THOC2: variants seen among roughly 807,000 people sequenced by gnomAD.
THOC2 encodes the protein THO complex subunit 2.
In THOC2, 10 loss-of-function variants were observed where a neutral mutation model predicts 128.4. The ratio of observed to expected loss-of-function variants is 0.08; its 90% CI spans 0.05 to 0.13. The LOEUF (loss-of-function observed/expected upper bound fraction) is 0.13, where lower values mean the gene tolerates loss of function less well. THOC2 is among the 10% of genes least tolerant of loss of function. The pLI, the probability that THOC2 is intolerant of heterozygous loss-of-function variation, is 1.00. For missense variants in THOC2, 535 were observed against 1,155.7 expected (o/e 0.46, Z 7.79); for synonymous variants, 393 against 396.9 (o/e 0.99, Z 0.12).
At position 123,696,762 on chromosome X, in the gene THOC2, C is replaced by T; in HGVS notation, c.426G>A (p.Gln142=). ...TTTTAACTGACTTTTGATTGAATTG[C>T]TGTGATTGTTTGATAAGCCCTAATG... ...LESLGLIKQS[Q]QFNQKSVKIK... The change falls in exon 6 of 39, where the codon CAG becomes CAA. Residue 142 remains glutamine, a synonymous_variant. Coordinates refer to ENST00000245838, the MANE Select transcript of THOC2 (RefSeq NM_001081550.2). 1.7e-6 allele frequency: 2 copies of T among 1,205,451 alleles called. No individual in the cohort carries two copies. Among genetic ancestry groups the T allele is most frequent in the Middle Eastern group, 4.7e-4 (2 of 4,240 alleles).
chrX:123,665,901 T>C lies in THOC2; in HGVS notation c.1191-64A>G, dbSNP rs745568115. On this transcript the variant is annotated intron_variant, in intron 11 of 38. Coordinates refer to ENST00000245838, the MANE Select transcript of THOC2 (RefSeq NM_001081550.2). ...TAAGTATATAATAAATATAACTATA[T>C]ACACACACACTACAATATCTACCAT... 6 of 603,958 alleles carry C rather than the reference T, an allele frequency of 9.9e-6. No homozygotes were observed. In the South Asian group the frequency reaches 4.3e-4, roughly 43 times the overall value. 49.8% of individuals were successfully genotyped at this position (603,958 alleles called of 1,213,427 possible).
intron 24 of THOC2, among the ~76,000 whole-genome samples, 157 bp from the exon 25 acceptor site, chrX:123,626,226 C>T (rs2047265754): frequency 9.0e-6 from 1 of 111,718 alleles, no homozygotes; most frequent in African/African-American, 3.2e-5. Context: ...TCATGATTAT[C>T]ATTTTTACTA....
intron 8 of THOC2, among the ~76,000 whole-genome samples, chrX:123,683,261 G>A (rs2049861221): frequency 9.1e-6 from 1 of 110,436 alleles, no homozygotes; most frequent in Non-Finnish European, 1.9e-5. Context: ...TCTCACTGTC[G>A]TTGATATCAT....
At chrX:123,639,513 G>C (rs1233152666) in intron 16 of THOC2, among the ~76,000 whole-genome samples, 1 of 111,756 alleles carries the variant, frequency 8.9e-6, no homozygotes, top group Non-Finnish European at 1.9e-5. Flanking sequence ...TATTGTAAAT[G>C]GGATTGTGCT....
At chrX:123,638,726 G>A (rs183544159) in intron 17 of THOC2, among the ~76,000 whole-genome samples, 882 of 84,340 alleles carry the variant, frequency 0.01, 7 homozygotes, top group African/African-American at 0.04. Flanking sequence ...AGACACACAC[G>A]TACACACACA....
At chrX:123,707,481 A>C (rs895651109) in intron 2 of THOC2, among the ~76,000 whole-genome samples, 1 of 111,831 alleles carries the variant, frequency 8.9e-6, no homozygotes, top group Admixed American at 9.5e-5. Flanking sequence ...CCCAAATCTA[A>C]ATCTCTTTGT....
intron 18 of THOC2, among the ~76,000 whole-genome samples, chrX:123,637,436 G>A (rs999122436): frequency 1.8e-5 from 2 of 111,339 alleles, no homozygotes; most frequent in Non-Finnish European, 3.8e-5. Flanking sequence ...GATCCCTTAC[G>A]ATCAACTCCT....
At chrX:123,658,448 C>A (rs2048696483) in intron 12 of THOC2, among the ~76,000 whole-genome samples, 1 of 111,709 alleles carries the variant, frequency 9.0e-6, no homozygotes, top group South Asian at 3.7e-4. Flanking sequence ...AAGCAACCAA[C>A]ATGTCCTTCA....
At chrX:123,669,509 T>G (rs1239155066) in intron 9 of THOC2, among the ~76,000 whole-genome samples, 1 of 110,477 alleles carries the variant, frequency 9.1e-6, no homozygotes, top group Non-Finnish European at 1.9e-5. Flanking sequence ...AGAGATGGGA[T>G]TTCAGCATGT....
At chrX:123,623,061 T>C in intron 29 of THOC2, 44 bp downstream of exon 29, 1 of 1,125,825 alleles carries the variant, frequency 8.9e-7, no homozygotes, top group Non-Finnish European at 1.2e-6. Flanking sequence ...TTCACTTTGT[T>C]GAAATAAAAT....
intron 22 of THOC2, among the ~76,000 whole-genome samples, chrX:123,630,717 T>C: frequency 9.3e-6 from 1 of 107,522 alleles, no homozygotes; most frequent in Non-Finnish European, 1.9e-5. Flanking sequence ...AATCACCTAA[T>C]ATACATTTTC....
chrX:123,679,777 AC>A (rs1276564936), intron 8 of THOC2, among the ~76,000 whole-genome samples: 3 of 111,569 alleles, frequency 2.7e-5, no homozygotes, highest in Admixed American at 9.6e-5. Context: ...CTGTAACCCT[AC>A]CCCCAACCCT....
chrX:123,688,104 C>A (rs776773538), intron 7 of THOC2, among the ~76,000 whole-genome samples: 8 of 111,900 alleles, frequency 7.1e-5, no homozygotes, highest in Non-Finnish European at 1.5e-4. Flanking sequence ...ATGACCCAGC[C>A]TAGGTATTTA....
At chrX:123,672,604 T>C (rs1484646690) in intron 8 of THOC2, among the ~76,000 whole-genome samples, 1 of 112,287 alleles carries the variant, frequency 8.9e-6, no homozygotes, top group Non-Finnish European at 1.9e-5. Flanking sequence ...TGTCAGCTGA[T>C]GTTCTCCACA....
intron 2 of THOC2, among the ~76,000 whole-genome samples, chrX:123,709,448 G>A (rs191693948): frequency 1.8e-3 from 198 of 110,412 alleles, no homozygotes; most frequent in African/African-American, 6.4e-3. Flanking sequence ...AAAATTAGCC[G>A]GGCGTGGTGG....
chrX:123,625,147 C>G (rs760818491), intron 25 of THOC2, among the ~76,000 whole-genome samples: 1 of 111,401 alleles, frequency 9.0e-6, no homozygotes, highest in East Asian at 2.8e-4. Context: ...GCTGGAGGGC[C>G]GTGGTGTGAT....
At chrX:123,611,384 A>G in intron 37 of THOC2, 56 bp downstream of exon 37, 1 of 893,468 alleles carries the variant, frequency 1.1e-6, no homozygotes, top group South Asian at 2.2e-5. Flanking sequence ...TGTAAACATG[A>G]CCAGTATCAA....
At chrX:123,649,065 G>T (rs1214744210) in intron 12 of THOC2, among the ~76,000 whole-genome samples, 3 of 111,984 alleles carry the variant, frequency 2.7e-5, no homozygotes, top group African/African-American at 9.7e-5. Context: ...ATACAGGAGA[G>T]CTCTGGCTGG....
intron 18 of THOC2, among the ~76,000 whole-genome samples, 155 bp downstream of exon 18, chrX:123,637,888 G>A (rs1454018051): frequency 8.9e-6 from 1 of 112,217 alleles, no homozygotes; most frequent in Non-Finnish European, 1.9e-5. Flanking sequence ...TCCTTACATA[G>A]CCAAGGGCTC....
Sources: gnomAD v4.1 joint callset for allele counts (sites outside exome capture counted in the v4.1 genomes callset) on GRCh38, gnomAD v4.1.1 for gene constraint, MANE v1.5 for transcripts, NCBI Gene and HGNC (gene_info 2026-07-23, HGNC 2026-07-21) for gene names.